The following EPB41L4B variants were observed in gnomAD, a reference collection of about 807,000 sequenced individuals.
EPB41L4B encodes erythrocyte membrane protein band 4.1 like 4B.
EPB41L4B carries 30 observed loss-of-function variants against 112.5 expected under a neutral mutation model. The ratio of observed to expected loss-of-function variants is 0.27; its 90% CI spans 0.20 to 0.36. The LOEUF is 0.36. EPB41L4B is among the 10% of genes least tolerant of loss of function. EPB41L4B has a pLI of 1.00. For missense variants in EPB41L4B, 1,024 were observed against 1,133.3 expected (o/e 0.90, Z 1.38); for synonymous variants, 408 against 439.7 (o/e 0.93, Z 0.90).
chr9:109,229,929 C>A (rs972399238), intron 15 of EPB41L4B, among the ~76,000 whole-genome samples: 1 of 152,162 alleles, frequency 6.6e-6, no homozygotes, highest in Non-Finnish European at 1.5e-5. Flanking sequence ...CTAGTCCATA[C>A]CCAGTCCATT....
intron 2 of EPB41L4B, among the ~76,000 whole-genome samples, chr9:109,274,836 T>G (rs1224070978): frequency 6.6e-6 from 1 of 152,220 alleles, no homozygotes; most frequent in Non-Finnish European, 1.5e-5. Flanking sequence ...TATGGCCTAC[T>G]TTATAGATCA....
At chr9:109,305,390 G>A (rs760929213) in intron 1 of EPB41L4B, among the ~76,000 whole-genome samples, 12 of 152,180 alleles carry the variant, frequency 7.9e-5, no homozygotes, top group Non-Finnish European at 1.6e-4. Flanking sequence ...AGGCCAAAGC[G>A]GGTGGATCAC....
chr9:109,203,196 T>C (rs59923453), intron 19 of EPB41L4B, among the ~76,000 whole-genome samples: 2,481 of 152,212 alleles, frequency 0.016, 74 homozygotes, highest in African/African-American at 0.058. Flanking sequence ...AAGGAACATA[T>C]GTGGCTCCAG....
intron 1 of EPB41L4B, among the ~76,000 whole-genome samples, chr9:109,313,425 G>C (rs997803158): frequency 2.0e-5 from 3 of 152,046 alleles, no homozygotes; most frequent in Non-Finnish European, 4.4e-5. Flanking sequence ...AGAGGGATTA[G>C]GGTGGTGGGG....
Position 109,194,387 on chromosome 9 carries a change from C to G in EPB41L4B, c.2056G>C (p.Asp686His), listed in dbSNP as rs766381724. The G allele has an allele frequency of 6.2e-7, 1 of 1,613,842 alleles. No individual in the cohort carries two copies. Among genetic ancestry groups the G allele is most frequent in the African/African-American group, 1.3e-5 (1 of 75,018 alleles). Residue 686 changes from aspartate to histidine, a missense_variant, in exon 21 of 26, where the codon GAC becomes CAC. By Grantham distance (81) the Asp-to-His change is moderately conservative. Transcript: ENST00000374566. ...GCCTCGGCCAGGTCTGGAGGGAGGTCGTCTTCATCACTGCGGTTACTAAAA... is the reference window on the plus strand; with the variant it reads ...GCCTCGGCCAGGTCTGGAGGGAGGTGGTCTTCATCACTGCGGTTACTAAAA... Reference protein sequence around the residue: ...LTRQYSFDEDDLPPDLAEAVG... With the variant: ...LTRQYSFDEDHLPPDLAEAVG...
At chr9:109,193,250 G>A (rs1832521913) in intron 21 of EPB41L4B, among the ~76,000 whole-genome samples, 1 of 152,228 alleles carries the variant, frequency 6.6e-6, no homozygotes, top group Non-Finnish European at 1.5e-5. Flanking sequence ...GACACCCAGG[G>A]AAGGCACCAG....
At chr9:109,305,358 C>A (rs772224594) in intron 1 of EPB41L4B, among the ~76,000 whole-genome samples, 15 of 152,192 alleles carry the variant, frequency 9.9e-5, no homozygotes, top group Non-Finnish European at 2.1e-4. Flanking sequence ...GTGGCCCAGG[C>A]CTGTAATCCC....
intron 18 of EPB41L4B, among the ~76,000 whole-genome samples, chr9:109,206,429 C>T (rs1031015614): frequency 4.6e-5 from 7 of 152,238 alleles, no homozygotes; most frequent in East Asian, 1.9e-4. Flanking sequence ...GTGATCCACC[C>T]GCCTTGGCCT....
At chr9:109,243,847 C>T (rs1037989415) in intron 14 of EPB41L4B, among the ~76,000 whole-genome samples, 165 bp from the exon 15 acceptor site, 6 of 152,190 alleles carry the variant, frequency 3.9e-5, no homozygotes, top group Non-Finnish European at 7.4e-5. Flanking sequence ...GATCACGTTT[C>T]CCCCTCTGAC....
intron 23 of EPB41L4B, 106 bp downstream of exon 23, chr9:109,185,383 C>A: frequency 2.2e-6 from 2 of 926,210 alleles, no homozygotes; most frequent in East Asian, 2.4e-5. Context: ...GGGCTCTGCC[C>A]GAGATCTGGG....
chr9:109,308,374 T>C (rs536332863), intron 1 of EPB41L4B, among the ~76,000 whole-genome samples: 1 of 152,198 alleles, frequency 6.6e-6, no homozygotes, highest in African/African-American at 2.4e-5. Context: ...TGACCAATGT[T>C]GAGGATGCAA....
intron 23 of EPB41L4B, among the ~76,000 whole-genome samples, chr9:109,184,960 G>A (rs778138214): frequency 2.6e-5 from 4 of 152,138 alleles, no homozygotes; most frequent in Admixed American, 6.5e-5. Flanking sequence ...AAACAGGAGA[G>A]AATATGGTTA....
intron 15 of EPB41L4B, among the ~76,000 whole-genome samples, chr9:109,218,058 T>C (rs1833440394): frequency 6.6e-6 from 1 of 151,716 alleles, no homozygotes; most frequent in Admixed American, 6.6e-5. Flanking sequence ...AGAGTGCTAT[T>C]CTAATTACAT....
At chr9:109,196,247 G>A (rs1832636302) in intron 20 of EPB41L4B, 1 of 151,678 alleles carries the variant, frequency 6.6e-6, no homozygotes. Context: ...CTTGCGCAGG[G>A]GGACCATGCT....
At chr9:109,212,795 T>C (rs546222383) in intron 17 of EPB41L4B, among the ~76,000 whole-genome samples, 5 of 152,300 alleles carry the variant, frequency 3.3e-5, no homozygotes, top group South Asian at 2.1e-4. Context: ...CTGAGAACAT[T>C]TGGCAATGTC....
intron 13 of EPB41L4B, among the ~76,000 whole-genome samples, chr9:109,250,014 C>T (rs188924220): frequency 9.2e-5 from 14 of 152,224 alleles, no homozygotes; most frequent in Non-Finnish European, 1.8e-4. Context: ...CCTGGAGCTA[C>T]GGGGTGGGAG....
At chr9:109,248,525 C>T (rs560806994) in intron 13 of EPB41L4B, among the ~76,000 whole-genome samples, 18 of 152,290 alleles carry the variant, frequency 1.2e-4, no homozygotes, top group Middle Eastern at 3.4e-3. Context: ...ATCCTAAAGC[C>T]TGTCTTCTTT....
chr9:109,318,245 G>A (rs1375220683), intron 1 of EPB41L4B, among the ~76,000 whole-genome samples: 1 of 152,034 alleles, frequency 6.6e-6, no homozygotes, highest in East Asian at 1.9e-4. Context: ...GAAATTTGCC[G>A]TCCTGGGAAT....
intron 1 of EPB41L4B, among the ~76,000 whole-genome samples, chr9:109,305,807 C>T (rs1837167502): frequency 1.3e-5 from 2 of 152,034 alleles, no homozygotes; most frequent in Non-Finnish European, 2.9e-5. Context: ...GCCTATAATT[C>T]CAGCTACTTG....
Sources: gnomAD v4.1 joint callset for allele counts (sites outside exome capture counted in the v4.1 genomes callset) on GRCh38, gnomAD v4.1.1 for gene constraint, MANE v1.5 for transcripts, NCBI Gene and HGNC (gene_info 2026-07-23, HGNC 2026-07-21) for gene names.